The following POU3F3 variants were observed in gnomAD, a reference collection of about 807,000 sequenced individuals.
POU3F3 encodes the protein POU class 3 homeobox 3.
In POU3F3, 1 loss-of-function variant was observed where a neutral mutation model predicts 8.6. The observed-to-expected ratio is 0.12, with a 90% confidence interval of 0.04 to 0.55. The LOEUF is 0.55. POU3F3 is among the 20% of genes least tolerant of loss of function. The pLI is 0.91. For missense variants in POU3F3, 577 were observed against 690.7 expected, an observed-to-expected ratio of 0.84 and a Z score of 1.84; for synonymous variants, 418 against 327.4, an observed-to-expected ratio of 1.28 and a Z score of -2.99.
the POU3F3 span, among the ~76,000 whole-genome samples, chr2:104,893,006 G>T: frequency 6.6e-6 from 1 of 152,122 alleles, no homozygotes; most frequent in Non-Finnish European, 1.5e-5. Context: ...CACTAGATTC[G>T]AATGGCAGGC....
At chr2:104,864,756 C>T in the POU3F3 span, among the ~76,000 whole-genome samples, 1 of 152,260 alleles carries the variant, frequency 6.6e-6, no homozygotes, top group Admixed American at 6.5e-5. Context: ...GGAGAAGTGT[C>T]CAGCCAATTC....
the POU3F3 span, among the ~76,000 whole-genome samples, chr2:104,910,867 A>G: frequency 2.0e-5 from 3 of 152,348 alleles, no homozygotes; most frequent in South Asian, 6.2e-4. Flanking sequence ...CAATAAAAAG[A>G]CAAATACAAC....
At chr2:104,861,200 A>G (rs1321682081), downstream of POU3F3, among the ~76,000 whole-genome samples, 3 of 152,196 alleles carry the variant, frequency 2.0e-5, no homozygotes, top group Admixed American at 6.5e-5. Flanking sequence ...ACTAATTTGT[A>G]TGTAAATTGA....
downstream of POU3F3, among the ~76,000 whole-genome samples, chr2:104,860,157 A>C (rs1222619883): frequency 2.0e-5 from 3 of 152,246 alleles, no homozygotes; most frequent in Non-Finnish European, 2.9e-5. Context: ...TTCTATTAAA[A>C]AGCAAACTTT....
the POU3F3 span, chr2:104,867,485 T>A: frequency 8.5e-5 from 13 of 152,340 alleles, no homozygotes; most frequent in Admixed American, 5.2e-4. This position sits in a 1 kb window ranked among gnomAD's most constrained non-coding sequence, Gnocchi z 5.0. Context: ...CCGCTGACTG[T>A]TCCCCCGGGC....
the POU3F3 span, among the ~76,000 whole-genome samples, chr2:104,887,776 C>G: frequency 6.6e-6 from 1 of 152,300 alleles, no homozygotes; most frequent in East Asian, 1.9e-4. Flanking sequence ...CTCCAGAGCC[C>G]ACGCCCAGCC....
chr2:104,864,410 AC>A, the POU3F3 span, among the ~76,000 whole-genome samples: 1 of 152,214 alleles, frequency 6.6e-6, no homozygotes, highest in African/African-American at 2.4e-5. Context: ...GTCAGCCTGG[AC>A]GCTTAAACCC....
downstream of POU3F3, among the ~76,000 whole-genome samples, chr2:104,859,070 T>G (rs1387594405): frequency 2.6e-5 from 4 of 152,084 alleles, no homozygotes; most frequent in African/African-American, 9.7e-5. Flanking sequence ...TTATAAAATA[T>G]TTTGATATCA....
chr2:104,879,531 C>T, the POU3F3 span, among the ~76,000 whole-genome samples: 101 of 152,182 alleles, frequency 6.6e-4, no homozygotes, highest in African/African-American at 2.4e-3. Context: ...TTAAGAGAAA[C>T]CACCAGAAGT....
chr2:104,902,741 A>AT, the POU3F3 span, among the ~76,000 whole-genome samples: 1 of 152,140 alleles, frequency 6.6e-6, no homozygotes, highest in Non-Finnish European at 1.5e-5. Context: ...ATGTTTAATG[A>AT]TTTTTTTCTT....
the POU3F3 span, among the ~76,000 whole-genome samples, chr2:104,896,816 G>A: frequency 2.0e-5 from 3 of 152,250 alleles, no homozygotes; most frequent in Non-Finnish European, 4.4e-5. Flanking sequence ...GTGGGATCAC[G>A]ATGGTCTCAT....
chr2:104,881,114 A>ATTTCTTTCTTTC, the POU3F3 span, among the ~76,000 whole-genome samples: 1 of 100,940 alleles, frequency 9.9e-6, no homozygotes, highest in African/African-American at 3.7e-5. Flanking sequence ...TTCTTTCTTT[A>ATTTCTTTCTTTC]TTTCTTACTT....
chr2:104,894,284 A>G, the POU3F3 span, among the ~76,000 whole-genome samples: 4 of 152,224 alleles, frequency 2.6e-5, no homozygotes, highest in African/African-American at 9.7e-5. Flanking sequence ...CATTGACCAC[A>G]CTGACATATC....
At chr2:104,895,677 C>T in the POU3F3 span, among the ~76,000 whole-genome samples, 1 of 152,314 alleles carries the variant, frequency 6.6e-6, no homozygotes, top group Non-Finnish European at 1.5e-5. Context: ...CACCCTATTC[C>T]TGCTGCTGCT....
At chr2:104,908,530 A>G in the POU3F3 span, among the ~76,000 whole-genome samples, 1 of 152,218 alleles carries the variant, frequency 6.6e-6, no homozygotes, top group African/African-American at 2.4e-5. Flanking sequence ...AGAAAGGAGC[A>G]ACTGAGGAAT....
At chr2:104,866,720 T>G in the POU3F3 span, 1 of 152,068 alleles carries the variant, frequency 6.6e-6, no homozygotes, top group Admixed American at 6.5e-5. Flanking sequence ...AGGAAGACTG[T>G]GGGGAAATGG....
chr2:104,906,858 G>A, the POU3F3 span, among the ~76,000 whole-genome samples: 1 of 151,956 alleles, frequency 6.6e-6, no homozygotes, highest in Non-Finnish European at 1.5e-5. Flanking sequence ...AGTTCCTTCC[G>A]CATCTGAAAT....
At chr2:104,895,485 G>A in the POU3F3 span, among the ~76,000 whole-genome samples, 1 of 152,086 alleles carries the variant, frequency 6.6e-6, no homozygotes, top group Non-Finnish European at 1.5e-5. Flanking sequence ...GGTCAATTTT[G>A]TCTTCAGTTT....
At chr2:104,886,465 T>C in the POU3F3 span, among the ~76,000 whole-genome samples, 4 of 152,138 alleles carry the variant, frequency 2.6e-5, no homozygotes, top group Non-Finnish European at 5.9e-5. Context: ...CAGGTTTGTG[T>C]AAGTCCATTC....
Sources: allele counts gnomAD v4.1 joint callset (sites outside exome capture counted in the v4.1 genomes callset), GRCh38; gene constraint gnomAD v4.1.1; non-coding constraint Gnocchi (gnomAD v3.1); transcripts MANE v1.5; gene names NCBI Gene and HGNC (gene_info 2026-07-23, HGNC 2026-07-21).